BRWD1: variants seen among roughly 807,000 people sequenced by gnomAD.
BRWD1 encodes bromodomain and WD repeat domain containing 1, also known as bromodomain and WD repeat-containing protein 1.
Under a neutral mutation model 251.2 loss-of-function variants are expected in BRWD1, and 82 were observed. The ratio of observed to expected loss-of-function variants is 0.33; its 90% CI spans 0.27 to 0.39. The LOEUF (loss-of-function observed/expected upper bound fraction) is 0.39, where lower values mean the gene tolerates loss of function less well. Ranked by LOEUF, BRWD1 falls within the 10% of genes least tolerant of loss-of-function variation. The pLI is 1.00. For missense variants in BRWD1, 2,233 were observed against 2,711.6 expected, an observed-to-expected ratio of 0.82 and a Z score of 3.92; for synonymous variants, 918 against 902.8, an observed-to-expected ratio of 1.02 and a Z score of -0.30.
intron 4 of BRWD1, among the ~76,000 whole-genome samples, chr21:39,303,791 T>C (rs1226947796): frequency 1.3e-5 from 2 of 150,028 alleles, no homozygotes; most frequent in African/African-American, 4.9e-5. Context: ...CCACTGTACT[T>C]CAGCCTGGGT....
chr21:39,248,352 C>T (rs1378401819), intron 20 of BRWD1, among the ~76,000 whole-genome samples: 1 of 152,014 alleles, frequency 6.6e-6, no homozygotes, highest in African/African-American at 2.4e-5. Flanking sequence ...GGGCTTACAC[C>T]TGTAATTCCA....
chr21:39,282,959 C>CA (rs71269097), intron 8 of BRWD1, among the ~76,000 whole-genome samples: 35,272 of 88,702 alleles, frequency 0.4, 5,344 homozygotes, highest in Middle Eastern at 0.51. Context: ...AACTCCGTCA[C>CA]AAAAAAAAAA....
intron 8 of BRWD1, among the ~76,000 whole-genome samples, chr21:39,288,910 C>T (rs570191275): frequency 1.3e-5 from 2 of 152,084 alleles, no homozygotes; most frequent in South Asian, 2.1e-4. Context: ...ATATATAAGT[C>T]GACCCATGCA....
chr21:39,210,017 T>C lies in BRWD1; in HGVS notation c.4175A>G (p.Tyr1392Cys). 1.2e-6 allele frequency: 2 copies of C among 1,613,616 alleles called. No homozygotes were observed. The highest frequency in any genetic ancestry group is 1.7e-6 in the Non-Finnish European group (2 of 1,179,768). ...IRLIFSNAKA[Y>C]TPNKRSKIYS... ...TACCTTTGATCTTTTGTTTGGTGTA[T>C]ACGCTTTTGCATTGCTAAATATCAG... The change falls in exon 36 of 41, where the codon TAT becomes TGT. Residue 1392 changes from tyrosine (Y) to cysteine (C), a missense_variant. Physicochemically the swap from Tyr to Cys is radical, Grantham distance 194. Around this residue, in one of 12 missense-constraint regions of BRWD1, gnomAD observed 69 missense variants for 101.6 expected, o/e 0.68. Coordinates refer to ENST00000342449, the MANE Select transcript of BRWD1 (RefSeq NM_033656.4).
intron 29 of BRWD1, among the ~76,000 whole-genome samples, chr21:39,220,294 T>C (rs1250241292): frequency 2.0e-5 from 3 of 152,170 alleles, no homozygotes. Context: ...AAAGGCCTGA[T>C]GCACAAAAAG....
Position 39,194,491 on chromosome 21 carries a change from G to A in BRWD1, c.*1768C>T, listed in dbSNP as rs1160750133. ...ACTATCTACTTAACACAAGTTCTGAGAAGAAAAGCATCATAGTTCTGAAAT... is the reference window on the plus strand; with the variant it reads ...ACTATCTACTTAACACAAGTTCTGAAAAGAAAAGCATCATAGTTCTGAAAT... On this transcript the variant is annotated 3_prime_UTR_variant, in exon 41 of 41. Coordinates refer to ENST00000342449, the MANE Select transcript of BRWD1 (RefSeq NM_033656.4). 2.8e-6 allele frequency: 4 copies of A among 1,410,182 alleles called. No individual in the cohort carries two copies. The highest frequency in any genetic ancestry group is 1.4e-5 in the African/African-American group (1 of 69,006). 87.4% of individuals were successfully genotyped at this position (1,410,182 alleles called of 1,614,324 possible). A position where few individuals can be genotyped will look rare whatever the true frequency, so the allele number is the denominator to read the frequency against.
At chr21:39,200,190 T>C (rs1323804367) in intron 39 of BRWD1, 29 bp downstream of exon 39, 2 of 1,570,868 alleles carry the variant, frequency 1.3e-6, no homozygotes, top group African/African-American at 2.8e-5. Context: ...TTGATATACA[T>C]TCCATAAAAG....
chr21:39,211,426 T>C (rs187041274), intron 34 of BRWD1, among the ~76,000 whole-genome samples: 48 of 152,250 alleles, frequency 3.2e-4, no homozygotes, highest in African/African-American at 1.1e-3. Context: ...ACAAAAGTTA[T>C]TATAAGAGGG....
rs140721701 is a variant in BRWD1 at position 39,228,670 on chromosome 21, C to T, written c.3126-88G>A. The stretch of plus-strand genomic sequence containing the variant: ...GCACTGTCCAAAAGAAACATGAGAT[C>T]TACGAATGTAATTTTTAATTTTCAA... On this transcript the variant is annotated intron_variant, in intron 26 of 40. Transcript: ENST00000342449. 8.5e-3 allele frequency: 5,393 copies of T among 638,174 alleles called. 28 individuals carry two copies. The highest frequency in any genetic ancestry group is 0.018 in the Middle Eastern group (43 of 2,394). The allele number at this position is 638,174 out of a possible 1,614,324, so 39.5% of individuals were successfully genotyped here.
At chr21:39,244,905 T>C (rs1363028066) in intron 21 of BRWD1, among the ~76,000 whole-genome samples, 1 of 134,908 alleles carries the variant, frequency 7.4e-6, no homozygotes, top group Non-Finnish European at 1.6e-5. Context: ...AAGTTACATA[T>C]AGAAACTTTG....
intron 5 of BRWD1, 26 bp from the exon 6 acceptor site, chr21:39,296,389 T>G: frequency 6.5e-7 from 1 of 1,533,400 alleles, no homozygotes; most frequent in Non-Finnish European, 8.7e-7. Context: ...TAGATACACA[T>G]AAAATCTTGA....
At chr21:39,223,288 T>C (rs2033253464) in intron 29 of BRWD1, among the ~76,000 whole-genome samples, 1 of 152,186 alleles carries the variant, frequency 6.6e-6, no homozygotes, top group African/African-American at 2.4e-5. Flanking sequence ...TCTGAAATTA[T>C]CTTGAAATCA....
rs1253411578 is a variant in BRWD1, at chr21:39,197,230, C to A, written c.5839G>T (p.Asp1947Tyr). 6.2e-7 allele frequency: 1 copy of A among 1,613,856 alleles called. No individual in the cohort carries two copies. The highest frequency in any genetic ancestry group is 1.3e-5 in the African/African-American group (1 of 74,924). The change falls in exon 41 of 41, where the codon GAT (aspartate) becomes TAT (tyrosine). Residue 1947 changes from aspartate (D) to tyrosine (Y), a missense_variant. Physicochemically the swap from Asp to Tyr is radical, Grantham distance 160. Coordinates refer to ENST00000342449, the MANE Select transcript of BRWD1 (RefSeq NM_033656.4). ...GTGTGCACATTTTCTAAACTGACAT[C>A]TTCTACATCACTCATGAGCTTGATC... Reference protein sequence around the residue: ...NKIKLMSDVEDVSLENVHTRS... With the variant: ...NKIKLMSDVEYVSLENVHTRS...
Position 39,307,644 on chromosome 21 carries a change from A to C in BRWD1, c.198+5197T>G, listed in dbSNP as rs190466600. Among the ~76,000 whole-genome samples, 16 of 152,298 alleles carry C rather than the reference A, an allele frequency of 1.1e-4. No homozygotes were observed. The East Asian group carries it at 2.7e-3, about 26-fold the overall frequency. On this transcript the variant is annotated intron_variant, in intron 4 of 40. Transcript: ENST00000342449. ...GGATTAAGGAATCAGGTTATGATAG[A>C]AGATTATAGGCTATGACTTGGAACT...
At chr21:39,245,728 T>G (rs1408404042) in intron 21 of BRWD1, among the ~76,000 whole-genome samples, 1 of 151,598 alleles carries the variant, frequency 6.6e-6, no homozygotes, top group Admixed American at 6.6e-5. Context: ...GCCTCCCAAA[T>G]AGCTGGGATC....
chr21:39,236,581 T>C lies in BRWD1; in HGVS notation c.2766+14A>G. ...TCATGATACATGCTATTTTTAAAGA[T>C]ACGTTTTTCTTACCTCCTTCTTAGG... On this transcript the variant is annotated intron_variant, in intron 23 of 40. Transcript: ENST00000342449. 1 of 1,561,052 alleles carries C rather than the reference T, an allele frequency of 6.4e-7. No individual in the cohort carries two copies. The highest frequency in any genetic ancestry group is 8.7e-7 in the Non-Finnish European group (1 of 1,147,746).
intron 23 of BRWD1, among the ~76,000 whole-genome samples, chr21:39,233,399 C>T (rs193280453): frequency 2.0e-4 from 30 of 152,196 alleles, no homozygotes; most frequent in East Asian, 1.9e-4. Context: ...TAGATAAATA[C>T]AAAGACTTAA....
chr21:39,197,305 T>A lies in BRWD1; in HGVS notation c.5764A>T (p.Thr1922Ser). Residue 1922 changes from threonine (T) to serine (S), a missense_variant, in exon 41 of 41, where the codon ACA becomes TCA. Physicochemically the swap from Thr to Ser is moderately conservative, Grantham distance 58. Coordinates refer to ENST00000342449, the MANE Select transcript of BRWD1 (RefSeq NM_033656.4). ...QVVKKSSKARTGLLRITRRCA... is the reference protein window; with the variant it reads ...QVVKKSSKARSGLLRITRRCA... The stretch of plus-strand genomic sequence containing the variant: ...CTTCGAGTAATCCTCAGGAGACCTG[T>A]TCTGGCTTTTGATGATTTCTTAACC... 1 of 1,614,058 alleles carries A rather than the reference T, an allele frequency of 6.2e-7. No individual in the cohort carries two copies. The highest frequency in any genetic ancestry group is 8.5e-7 in the Non-Finnish European group (1 of 1,179,940).
chr21:39,307,991 G>T (rs2036344535), intron 4 of BRWD1, among the ~76,000 whole-genome samples: 3 of 152,194 alleles, frequency 2.0e-5, no homozygotes, highest in Admixed American at 6.6e-5. Flanking sequence ...AGTGCAGGTA[G>T]AGACTAGAAA....
Sources: allele counts gnomAD v4.1 joint callset (sites outside exome capture counted in the v4.1 genomes callset), GRCh38; gene constraint gnomAD v4.1.1; regional missense constraint gnomAD v4.1.1; transcripts MANE v1.5; gene names NCBI Gene and HGNC (gene_info 2026-07-23, HGNC 2026-07-21).